Variants in OPCML observed in about 807,000 individuals in gnomAD.
OPCML encodes the protein opioid binding protein/cell adhesion molecule like, also known as opioid-binding protein/cell adhesion molecule.
OPCML carries 13 observed loss-of-function variants against 37.8 expected under a neutral mutation model. The observed-to-expected ratio is 0.34, with a 90% CI of 0.22 to 0.55. OPCML has a LOEUF of 0.55. Ranked by LOEUF, OPCML falls within the 20% of genes least tolerant of loss-of-function variation. The probability of loss-of-function intolerance (pLI) is 0.91; values close to 1 mark genes in which losing one functional copy is unlikely to be tolerated. For missense variants in OPCML, 341 were observed against 435.6 expected (o/e 0.78, Z 1.93); for synonymous variants, 176 against 168.8 (o/e 1.04, Z -0.33).
At chr11:132,999,022 G>A (rs1242343905) in intron 1 of OPCML, among the ~76,000 whole-genome samples, 1 of 152,200 alleles carries the variant, frequency 6.6e-6, no homozygotes, top group Non-Finnish European at 1.5e-5. Flanking sequence ...TTCCGCAGAT[G>A]AGGAAACAAA....
At chr11:132,486,403 C>T (rs2096200022) in intron 4 of OPCML, among the ~76,000 whole-genome samples, 1 of 152,048 alleles carries the variant, frequency 6.6e-6, no homozygotes, top group Non-Finnish European at 1.5e-5. Flanking sequence ...AATGCAATTT[C>T]TTCATTGTTA....
intron 1 of OPCML, among the ~76,000 whole-genome samples, chr11:133,399,279 C>G (rs1274546986): frequency 6.6e-6 from 1 of 152,138 alleles, no homozygotes; most frequent in African/African-American, 2.4e-5. Flanking sequence ...CGCGTGGTGG[C>G]TTTTGGGCTT....
rs1459944768 is a variant in OPCML, at chr11:133,427,552, G to T, written c.61+104712C>A. Among the ~76,000 whole-genome samples the T allele has an allele frequency of 4.6e-5, 7 of 150,886 alleles. 1 individual carries two copies. In the South Asian group the frequency reaches 6.3e-4, roughly 14 times the overall value. On this transcript the variant is annotated intron_variant, in intron 1 of 7. Transcript: ENST00000524381. ...AAGCAAGTTTCCTGAAAACTAACAG[G>T]ATAAATAGAAAAAATAAAAATGAGC...
At chr11:133,236,407 A>G (rs1940517059) in intron 1 of OPCML, among the ~76,000 whole-genome samples, 1 of 152,148 alleles carries the variant, frequency 6.6e-6, no homozygotes, top group Non-Finnish European at 1.5e-5. Context: ...CTTTCAGGCC[A>G]CAATTGACCA....
At chr11:133,377,552 C>T (rs1944833756) in intron 1 of OPCML, among the ~76,000 whole-genome samples, 1 of 148,138 alleles carries the variant, frequency 6.8e-6, no homozygotes, top group African/African-American at 2.5e-5. Context: ...CCAACCTCCA[C>T]CTTCCCTTTG....
At chr11:132,913,268 T>C (rs1247540075) in intron 2 of OPCML, among the ~76,000 whole-genome samples, 3 of 152,186 alleles carry the variant, frequency 2.0e-5, no homozygotes, top group Non-Finnish European at 4.4e-5. Flanking sequence ...CTTAATGACT[T>C]ATTATGGTAA....
intron 1 of OPCML, among the ~76,000 whole-genome samples, chr11:133,074,238 G>A (rs11223356): frequency 0.55 from 84,224 of 152,010 alleles, 25,444 homozygotes; most frequent in African/African-American, 0.79. Flanking sequence ...CATGTAAAAG[G>A]GCTACTTTTC....
At chr11:132,647,205 T>A (rs1941193813) in intron 3 of OPCML, among the ~76,000 whole-genome samples, 1 of 152,172 alleles carries the variant, frequency 6.6e-6, no homozygotes. Flanking sequence ...TCAACGGAAG[T>A]GAGTTTAAGA....
chr11:132,796,167 T>C (rs1379836914), intron 2 of OPCML, among the ~76,000 whole-genome samples: 1 of 152,214 alleles, frequency 6.6e-6, no homozygotes, highest in Non-Finnish European at 1.5e-5. Flanking sequence ...CAGAGTTTGG[T>C]ATCTGCATGA....
At chr11:133,523,353 T>C (rs1282354351) in intron 1 of OPCML, among the ~76,000 whole-genome samples, 1 of 152,128 alleles carries the variant, frequency 6.6e-6, no homozygotes, top group South Asian at 2.1e-4. Flanking sequence ...GTGTTGGTGC[T>C]GACAGTGGGG....
intron 1 of OPCML, among the ~76,000 whole-genome samples, chr11:133,499,190 GC>G (rs1043919110): frequency 2.1e-4 from 32 of 152,274 alleles, no homozygotes; most frequent in Admixed American, 5.9e-4. Flanking sequence ...CAGCAAACCA[GC>G]CCATATGGAA....
chr11:132,586,648 G>A (rs2096473327), intron 3 of OPCML, among the ~76,000 whole-genome samples: 1 of 152,162 alleles, frequency 6.6e-6, no homozygotes, highest in South Asian at 2.1e-4. Flanking sequence ...GACACAGACT[G>A]CCTGGACACT....
intron 1 of OPCML, among the ~76,000 whole-genome samples, chr11:133,383,901 G>C (rs1274199531): frequency 2.6e-5 from 4 of 152,162 alleles, no homozygotes; most frequent in Non-Finnish European, 5.9e-5. Context: ...TATGCTTCAT[G>C]CTACAGTGCA....
chr11:132,714,609 A>C (rs752948186), intron 2 of OPCML, among the ~76,000 whole-genome samples: 8 of 152,230 alleles, frequency 5.3e-5, no homozygotes, highest in Admixed American at 1.3e-4. Context: ...GAAGCTTGAC[A>C]GAAAACCTAT....
At chr11:132,959,274 T>C (rs1946035060) in intron 1 of OPCML, among the ~76,000 whole-genome samples, 1 of 152,230 alleles carries the variant, frequency 6.6e-6, no homozygotes, top group Admixed American at 6.5e-5. Flanking sequence ...AGACTAAAGA[T>C]GTGACAGTCT....
chr11:132,779,679 T>A (rs542939096), intron 2 of OPCML, among the ~76,000 whole-genome samples: 1 of 152,192 alleles, frequency 6.6e-6, no homozygotes, highest in African/African-American at 2.4e-5. Flanking sequence ...TCAGCCTGAA[T>A]GTGTGGCCCT....
intron 1 of OPCML, among the ~76,000 whole-genome samples, chr11:133,366,925 A>G (rs1195481567): frequency 6.6e-6 from 1 of 152,122 alleles, no homozygotes; most frequent in Non-Finnish European, 1.5e-5. Flanking sequence ...GGACAACCCG[A>G]GCGTTCCCCC....
At chr11:133,274,582 A>G (rs940853540) in intron 1 of OPCML, among the ~76,000 whole-genome samples, 1 of 152,174 alleles carries the variant, frequency 6.6e-6, no homozygotes, top group African/African-American at 2.4e-5. Flanking sequence ...CCTGTGAAAC[A>G]ATCACCTCGA....
chr11:132,782,058 CCCCT>C (rs1358073332), intron 2 of OPCML, among the ~76,000 whole-genome samples: 1 of 151,116 alleles, frequency 6.6e-6, no homozygotes, highest in African/African-American at 2.4e-5. Flanking sequence ...TCATCTGCAG[CCCCT>C]CTCTTCCACT....
Sources: allele counts gnomAD v4.1 joint callset (sites outside exome capture counted in the v4.1 genomes callset), GRCh38; gene constraint gnomAD v4.1.1; transcripts MANE v1.5; gene names NCBI Gene and HGNC (gene_info 2026-07-23, HGNC 2026-07-21).